FRMD3: variants seen among roughly 807,000 people sequenced by gnomAD.
The protein encoded by FRMD3 is FERM domain-containing protein 3.
FRMD3 carries 33 observed loss-of-function variants against 70.2 expected under a neutral mutation model. That is an observed-to-expected ratio of 0.47 (90% confidence interval 0.36 to 0.63). The LOEUF is 0.63. Ranked by LOEUF, FRMD3 falls within the 20% of genes least tolerant of loss-of-function variation. The probability of loss-of-function intolerance (pLI) is 0.00; values close to 1 mark genes in which losing one functional copy is unlikely to be tolerated. For synonymous variants in FRMD3, 279 were observed against 255.9 expected, an observed-to-expected ratio of 1.09 and a Z score of -0.86; for missense variants, 632 against 711.4, an observed-to-expected ratio of 0.89 and a Z score of 1.27.
At chr9:83,529,131 T>A (rs1348433858) in intron 1 of FRMD3, among the ~76,000 whole-genome samples, 1 of 152,224 alleles carries the variant, frequency 6.6e-6, no homozygotes, top group African/African-American at 2.4e-5. Context: ...ACACATCTTG[T>A]AGCCTCTAGA....
intron 2 of FRMD3, among the ~76,000 whole-genome samples, chr9:83,382,363 C>A (rs988417054): frequency 6.6e-6 from 1 of 152,094 alleles, no homozygotes; most frequent in Non-Finnish European, 1.5e-5. Context: ...CTCTTTTAAA[C>A]ATCTTTAAAG....
rs571306925 is a variant in FRMD3 at position 83,373,090 on chromosome 9, A to G, written c.253-135T>C. 6.5e-5 allele frequency: 46 copies of G among 703,030 alleles called. No homozygotes were observed. In the Admixed American group the frequency reaches 9.4e-4, roughly 14 times the overall value. The allele number at this position is 703,030 out of a possible 1,614,324, so 43.5% of individuals were successfully genotyped here. A position where few individuals can be genotyped will look rare whatever the true frequency, so the allele number is the denominator to read the frequency against. ...TACTCTCCAGAATTCCACACTCTGA[A>G]GACCAACATAAACAACTTGGCAATA... On this transcript the variant is annotated intron_variant, in intron 2 of 13. Coordinates refer to ENST00000304195, the MANE Select transcript of FRMD3 (RefSeq NM_174938.6).
In FRMD3 at chr9:83,247,903, C is replaced by G; in HGVS notation, c.*15G>C. 6.2e-7 allele frequency: 1 copy of G among 1,611,556 alleles called. No homozygotes were observed. The highest frequency in any genetic ancestry group is 8.5e-7 in the Non-Finnish European group (1 of 1,178,184). ...TAGCATTGAATATAGCCCTTAGTCA[C>G]GTGAGAGATTAACTTCATGAGCAAC... On this transcript the variant is annotated 3_prime_UTR_variant, in exon 14 of 14. Coordinates refer to ENST00000304195, the MANE Select transcript of FRMD3 (RefSeq NM_174938.6).
At chr9:83,444,641 C>T (rs1827402684) in intron 1 of FRMD3, among the ~76,000 whole-genome samples, 1 of 152,214 alleles carries the variant, frequency 6.6e-6, no homozygotes, top group Admixed American at 6.5e-5. Context: ...CTACCACTAA[C>T]ATCAGGTTCT....
chr9:83,248,380 T>G lies in FRMD3; in HGVS notation c.1332A>C (p.Glu444Asp), dbSNP rs531442639. ...KIKEEPLTIS[E>D]LVYNPSASLL... ...GGCTGGCACTTGGGTTGTACACTAG[T>G]TCAGAGATGGTTAAAGGTTCTTCTT... Residue 444 changes from glutamate (E) to aspartate (D), a missense_variant, in exon 14 of 14, where the codon GAA becomes GAC. Physicochemically the swap from Glu to Asp is conservative, Grantham distance 45. Around this residue, in one of 3 missense-constraint regions of FRMD3, gnomAD observed 418 missense variants for 442.1 expected, o/e 0.95. Coordinates refer to ENST00000304195, the MANE Select transcript of FRMD3 (RefSeq NM_174938.6). The G allele has an allele frequency of 6.2e-7, 1 of 1,614,154 alleles. No individual in the cohort carries two copies. The highest frequency in any genetic ancestry group is 8.5e-7 in the Non-Finnish European group (1 of 1,180,020).
At chr9:83,494,090 CCATGGGTGTAGCAGTGCCAACAATGA>C (rs1828888296) in intron 1 of FRMD3, among the ~76,000 whole-genome samples, 1 of 152,218 alleles carries the variant, frequency 6.6e-6, no homozygotes, top group Non-Finnish European at 1.5e-5. Flanking sequence ...GTAGAAGAAT[CCATGGGTGTAGCAGTGCCAACAATGA>C]AATGGGTGTG....
the FRMD3 span, among the ~76,000 whole-genome samples, chr9:83,544,520 A>C: frequency 6.6e-6 from 1 of 152,206 alleles, no homozygotes; most frequent in East Asian, 1.9e-4. Context: ...TCCCAGCTGA[A>C]AAAAAAGATC....
In FRMD3 at chr9:83,523,308, T is replaced by C. The variant is rs1829620324; in HGVS notation, c.147+14777A>G. Among the ~76,000 whole-genome samples the C allele has an allele frequency of 1.3e-5, 2 of 152,100 alleles. 1 individual carries two copies. Among genetic ancestry groups the C allele is most frequent in the South Asian group, 4.1e-4 (2 of 4,824 alleles). The stretch of plus-strand genomic sequence containing the variant: ...GATAAATGATGAATGAATTAATGGA[T>C]AGTTAGATGGATGAATAGATAGATA... On this transcript the variant is annotated intron_variant, in intron 1 of 13. Transcript: ENST00000304195.
intron 13 of FRMD3, among the ~76,000 whole-genome samples, chr9:83,280,513 G>C (rs981472308): frequency 2.0e-5 from 3 of 152,184 alleles, no homozygotes; most frequent in African/African-American, 7.2e-5. Flanking sequence ...CATAACTAGA[G>C]CAGACAGTTC....
At chr9:83,484,222 A>T (rs983768878) in intron 1 of FRMD3, among the ~76,000 whole-genome samples, 5 of 152,212 alleles carry the variant, frequency 3.3e-5, no homozygotes, top group African/African-American at 1.2e-4. Flanking sequence ...AGGGGATCTT[A>T]TGGAAGTCTG....
At chr9:83,495,304 A>G (rs1033538031) in intron 1 of FRMD3, among the ~76,000 whole-genome samples, 21 of 152,216 alleles carry the variant, frequency 1.4e-4, no homozygotes, top group Admixed American at 1.2e-3. Context: ...CAAAACTGCC[A>G]TGGGTCAGTA....
intron 13 of FRMD3, among the ~76,000 whole-genome samples, chr9:83,263,945 T>C (rs1833110243): frequency 6.6e-6 from 1 of 152,134 alleles, no homozygotes; most frequent in South Asian, 2.1e-4. Context: ...TAGAAAAACA[T>C]AATATTGTTC....
At chr9:83,571,520 A>G in the FRMD3 span, among the ~76,000 whole-genome samples, 1 of 152,220 alleles carries the variant, frequency 6.6e-6, no homozygotes, top group African/African-American at 2.4e-5. Context: ...AGATACCAGT[A>G]GCTTTGTTTT....
chr9:83,464,531 G>T (rs918951051), intron 1 of FRMD3, among the ~76,000 whole-genome samples: 5 of 152,160 alleles, frequency 3.3e-5, no homozygotes, highest in Admixed American at 6.5e-5. Flanking sequence ...AGCACTTCCT[G>T]AGGAGGGAAG....
At position 83,437,410 on chromosome 9, in the gene FRMD3, A is replaced by G. The variant is rs8181119; in HGVS notation, c.148-47702T>C. ...CATCCTGCTAGTTCCCTCATTGATG[A>G]GTTAAATAAATTTTTGACTCGTGCT... On this transcript the variant is annotated intron_variant, in intron 1 of 13. Coordinates refer to ENST00000304195, the MANE Select transcript of FRMD3 (RefSeq NM_174938.6). Among the ~76,000 whole-genome samples, 2,091 of 152,286 alleles carry G rather than the reference A, an allele frequency of 0.014. 92 individuals are homozygous for G. In the South Asian group the frequency reaches 0.17, roughly 12 times the overall value.
intron 13 of FRMD3, chr9:83,267,063 C>T (rs1399011860): frequency 1.3e-6 from 2 of 1,550,808 alleles, no homozygotes; most frequent in African/African-American, 2.7e-5. Flanking sequence ...CGAACAAACA[C>T]ATTACTGTTG....
intron 5 of FRMD3, among the ~76,000 whole-genome samples, chr9:83,336,894 T>A (rs906376190): frequency 1.3e-5 from 2 of 151,866 alleles, no homozygotes; most frequent in African/African-American, 4.8e-5. Context: ...CCTTTTGTGG[T>A]TTTGACACAG....
chr9:83,562,453 G>A, the FRMD3 span, among the ~76,000 whole-genome samples: 10 of 152,196 alleles, frequency 6.6e-5, no homozygotes, highest in African/African-American at 2.4e-4. Flanking sequence ...ACTGGGAGAT[G>A]ATCTGAAAGC....
chr9:83,390,027 C>T (rs1825623270), intron 1 of FRMD3, among the ~76,000 whole-genome samples: 1 of 152,218 alleles, frequency 6.6e-6, no homozygotes. Flanking sequence ...TTTCACAACA[C>T]AGTAACTTGT....
Sources: allele counts gnomAD v4.1 joint callset (sites outside exome capture counted in the v4.1 genomes callset), GRCh38; gene constraint gnomAD v4.1.1; regional missense constraint gnomAD v4.1.1; transcripts MANE v1.5; gene names NCBI Gene and HGNC (gene_info 2026-07-23, HGNC 2026-07-21).